Variants in TAOK3 observed in about 807,000 individuals in gnomAD.
TAOK3 encodes TAO kinase 3, also known as serine/threonine-protein kinase TAO3.
Under a neutral mutation model 120.4 loss-of-function variants are expected in TAOK3, and 40 were observed. The ratio of observed to expected loss-of-function variants is 0.33; its 90% CI spans 0.26 to 0.43. TAOK3 has a LOEUF of 0.43. Ranked by LOEUF, TAOK3 falls within the 20% of genes least tolerant of loss-of-function variation. The probability of loss-of-function intolerance (pLI) is 1.00; values close to 1 mark genes in which losing one functional copy is unlikely to be tolerated. For missense variants in TAOK3, 821 were observed against 1,112.1 expected (o/e 0.74, Z 3.72); for synonymous variants, 355 against 387.5 (o/e 0.92, Z 0.99).
intron 1 of TAOK3, among the ~76,000 whole-genome samples, chr12:118,331,890 G>A (rs562375878): frequency 1.3e-4 from 20 of 149,228 alleles, no homozygotes; most frequent in Non-Finnish European, 2.5e-4. Flanking sequence ...GCAATGGCAC[G>A]ATCTCAGCTC....
At chr12:118,200,327 C>T (rs1191981193) in intron 12 of TAOK3, 1 of 151,998 alleles carries the variant, frequency 6.6e-6, no homozygotes, top group Non-Finnish European at 1.5e-5. Flanking sequence ...TAACTATATC[C>T]CTTTCTTCTA....
Position 118,304,045 on chromosome 12 carries a change from T to C in TAOK3, c.-193-37286A>G, listed in dbSNP as rs368357765. On this transcript the variant is annotated intron_variant, in intron 1 of 20. Transcript: ENST00000392533. ...TGCCTCCCTCATGCCAACAACACTTTGCTGAAGAGAGTCTGGCACTGTTTC... is the reference window on the plus strand; with the variant it reads ...TGCCTCCCTCATGCCAACAACACTTCGCTGAAGAGAGTCTGGCACTGTTTC... Among the ~76,000 whole-genome samples the C allele has an allele frequency of 5.3e-5, 8 of 152,342 alleles. No homozygotes were observed. The East Asian group carries it at 9.6e-4, about 18-fold the overall frequency.
At chr12:118,162,681 G>A (rs2035299628) in intron 17 of TAOK3, among the ~76,000 whole-genome samples, 1 of 152,060 alleles carries the variant, frequency 6.6e-6, no homozygotes, top group Non-Finnish European at 1.5e-5. Context: ...AAAAACAGAT[G>A]AGATCTCTCC....
At chr12:118,364,342 C>T (rs1480918713) in intron 1 of TAOK3, among the ~76,000 whole-genome samples, 2 of 151,810 alleles carry the variant, frequency 1.3e-5, no homozygotes, top group East Asian at 3.9e-4. Flanking sequence ...TCCCTTGCAC[C>T]TTATTAAGGC....
Position 118,160,118 on chromosome 12 carries a change from A to G in TAOK3, c.2352+28T>C. ...TTTTCTTGATTCCCAAAGCTCTCGA[A>G]GCCGTGGCACCAAACCTAACCACTT... On this transcript the variant is annotated intron_variant, in intron 19 of 20. Transcript: ENST00000392533. The surrounding 1 kb of genome is among the most constrained non-coding windows in gnomAD (Gnocchi z 4.2). 6.4e-7 allele frequency: 1 copy of G among 1,557,772 alleles called. No individual in the cohort carries two copies.
intron 3 of TAOK3, among the ~76,000 whole-genome samples, chr12:118,249,773 A>C (rs1300014973): frequency 1.3e-5 from 2 of 152,158 alleles, no homozygotes; most frequent in Non-Finnish European, 2.9e-5. Context: ...TCAAGGTTAC[A>C]GTGAGCTATG....
intron 1 of TAOK3, among the ~76,000 whole-genome samples, chr12:118,301,218 T>C (rs2042868971): frequency 2.0e-5 from 3 of 152,158 alleles, no homozygotes; most frequent in Admixed American, 2.0e-4. Flanking sequence ...AAATGTTAGA[T>C]AGTGTAATGC....
chr12:118,313,628 A>C (rs570800249), intron 1 of TAOK3, among the ~76,000 whole-genome samples: 18 of 152,196 alleles, frequency 1.2e-4, no homozygotes, highest in Non-Finnish European at 2.4e-4. Flanking sequence ...CTAATATTTA[A>C]AAGGGTTTTA....
rs367938661 is a variant in TAOK3, at chr12:118,239,289, T to C, written c.295-17A>G. ...CATCACCAACTATAAGAGATTAAAA[T>C]AATATTCAGAATAATGAAAGTTAAT... On this transcript the variant is annotated splice_polypyrimidine_tract_variant and intron_variant, in intron 5 of 20. Transcript: ENST00000392533. 168 of 1,435,686 alleles carry C rather than the reference T, an allele frequency of 1.2e-4. 1 individual carries two copies. Among genetic ancestry groups the C allele is most frequent in the Middle Eastern group, 5.7e-4 (3 of 5,264 alleles). The allele number at this position is 1,435,686 out of a possible 1,614,324, so 88.9% of individuals were successfully genotyped here.
At chr12:118,221,978 A>C (rs1256058865) in intron 9 of TAOK3, among the ~76,000 whole-genome samples, 1 of 151,784 alleles carries the variant, frequency 6.6e-6, no homozygotes, top group Non-Finnish European at 1.5e-5. Context: ...AGAAGCATAC[A>C]AACGTTGAGC....
At chr12:118,312,078 T>C (rs756126240) in intron 1 of TAOK3, among the ~76,000 whole-genome samples, 50 of 152,154 alleles carry the variant, frequency 3.3e-4, no homozygotes, top group Non-Finnish European at 5.0e-4. Context: ...GAGTAAATTA[T>C]AGATTTGAAA....
rs1475504009 is a variant in TAOK3, at chr12:118,151,168, G to C, written c.2536-10C>G. On this transcript the variant is annotated splice_polypyrimidine_tract_variant and intron_variant, in intron 20 of 20. Coordinates refer to ENST00000392533, the MANE Select transcript of TAOK3 (RefSeq NM_016281.4). ...CCAGCTCCTCTTCAATCTGAAAGAAGCACGATGCAGTTCTTAATGGAAAGC... is the reference window on the plus strand; with the variant it reads ...CCAGCTCCTCTTCAATCTGAAAGAACCACGATGCAGTTCTTAATGGAAAGC... 1.9e-6 allele frequency: 3 copies of C among 1,610,954 alleles called. No homozygotes were observed. In the East Asian group the frequency reaches 6.7e-5, roughly 36 times the overall value.
chr12:118,173,269 G>A (rs139547004), intron 16 of TAOK3, among the ~76,000 whole-genome samples: 4 of 152,312 alleles, frequency 2.6e-5, no homozygotes, highest in African/African-American at 9.6e-5. Flanking sequence ...GGTCAGAGGG[G>A]CTGGTGTAAC....
intron 11 of TAOK3, among the ~76,000 whole-genome samples, chr12:118,210,786 T>C (rs986527371): frequency 1.3e-5 from 2 of 151,276 alleles, no homozygotes; most frequent in Non-Finnish European, 2.9e-5. Context: ...TTGCCCCGGC[T>C]GGAGAGCAGT....
chr12:118,259,863 G>T (rs2041148920), intron 2 of TAOK3, among the ~76,000 whole-genome samples: 2 of 152,104 alleles, frequency 1.3e-5, no homozygotes, highest in African/African-American at 2.4e-5. Context: ...TTTGCAAAGG[G>T]TTCCCCTCAA....
At chr12:118,158,282 G>A (rs1033378618) in intron 19 of TAOK3, among the ~76,000 whole-genome samples, 38 of 151,948 alleles carry the variant, frequency 2.5e-4, no homozygotes, top group African/African-American at 5.3e-4. Context: ...AATACCTCCC[G>A]TCCCCAGCAG....
At chr12:118,227,495 A>C (rs1288231623) in intron 9 of TAOK3, among the ~76,000 whole-genome samples, 2 of 152,044 alleles carry the variant, frequency 1.3e-5, no homozygotes, top group Non-Finnish European at 2.9e-5. Context: ...ATTACAAAAA[A>C]CAAAAAACAA....
At chr12:118,172,364 G>C in intron 17 of TAOK3, 93 bp downstream of exon 17, 1 of 1,351,120 alleles carries the variant, frequency 7.4e-7, no homozygotes, top group Non-Finnish European at 1.1e-6. Context: ...AAAGGCTAGG[G>C]ATATAGGAAT....
At chr12:118,183,509 A>T (rs1174025706) in intron 14 of TAOK3, among the ~76,000 whole-genome samples, 2 of 152,222 alleles carry the variant, frequency 1.3e-5, no homozygotes, top group African/African-American at 4.8e-5. Context: ...AACCCTCTAA[A>T]GAAAATAAAT....
Sources: gnomAD v4.1 joint callset for allele counts (sites outside exome capture counted in the v4.1 genomes callset) on GRCh38, gnomAD v4.1.1 for gene constraint, Gnocchi (gnomAD v3.1) non-coding constraint, MANE v1.5 for transcripts, NCBI Gene and HGNC (gene_info 2026-07-23, HGNC 2026-07-21) for gene names.